The following PRRG2 variants were observed in gnomAD, a reference collection of about 807,000 sequenced individuals.
The protein encoded by PRRG2 is proline rich and Gla domain 2.
PRRG2 carries 23 observed loss-of-function variants against 27.1 expected under a neutral mutation model. The ratio of observed to expected loss-of-function variants is 0.85; its 90% CI spans 0.61 to 1.20. The LOEUF (loss-of-function observed/expected upper bound fraction) is 1.20. PRRG2 is among the 50% of genes most tolerant of loss of function. The pLI is 0.00. For synonymous variants in PRRG2, 104 were observed against 103.4 expected, an observed-to-expected ratio of 1.01 and a Z score of -0.03; for missense variants, 276 against 254.8, an observed-to-expected ratio of 1.08 and a Z score of -0.57.
chr19:49,590,594 C>A lies in PRRG2; in HGVS notation c.*205C>A, dbSNP rs1425326951. The stretch of plus-strand genomic sequence containing the variant: ...TGTTTTCGGCAACGTGTTCCCGTGT[C>A]CTGGCCCCTCACGGGCCCCCACACT... On this transcript the variant is annotated 3_prime_UTR_variant, in exon 7 of 7. Transcript: ENST00000246794. The A allele has an allele frequency of 8.8e-6, 6 of 682,668 alleles. No individual in the cohort carries two copies. Among genetic ancestry groups the A allele is most frequent in the Non-Finnish European group, 1.5e-5 (6 of 408,196 alleles). The allele number at this position is 682,668 out of a possible 1,614,324, so 42.3% of individuals were successfully genotyped here.
intron 5 of PRRG2, 139 bp from the exon 6 acceptor site, chr19:49,589,761 C>T: frequency 1.1e-6 from 1 of 938,350 alleles, no homozygotes; most frequent in South Asian, 1.5e-5. Context: ...GAAGGTGACC[C>T]TCCTTTTCTG....
Position 49,589,926 on chromosome 19 carries a change from CT to C in PRRG2, c.467del (p.Leu156Ter). On this transcript the variant is annotated frameshift_variant, in exon 6 of 7. Transcript: ENST00000246794. LOFTEE classifies it high-confidence loss of function. ...QEAGLISPLSPLNPLGPPTPL... is the reference protein window; with the variant it reads ...QEAGLISPLSXLNPLGPPTPL... Reference sequence around the variant, plus strand: ...GCCGGGCTCATTAGCCCTCTGAGTCCTTTGAACCCTCTGGGCCCACCGACGC... The same window carrying C: ...GCCGGGCTCATTAGCCCTCTGAGTCCTTGAACCCTCTGGGCCCACCGACGC... The C allele has an allele frequency of 6.2e-7, 1 of 1,612,234 alleles. No individual in the cohort carries two copies.
At chr19:49,584,406 G>A (rs2080653161) in intron 4 of PRRG2, among the ~76,000 whole-genome samples, 3 of 151,244 alleles carry the variant, frequency 2.0e-5, no homozygotes, top group South Asian at 2.1e-4. Flanking sequence ...TCCTGGCATC[G>A]TGATCTGCCC....
At chr19:49,582,419 C>G (rs548024117) in intron 1 of PRRG2, among the ~76,000 whole-genome samples, 1 of 151,662 alleles carries the variant, frequency 6.6e-6, no homozygotes, top group Non-Finnish European at 1.5e-5. Flanking sequence ...GGATTACAGG[C>G]GCCCACAACC....
At chr19:49,589,618 G>T (rs1052152252) in intron 5 of PRRG2, among the ~76,000 whole-genome samples, 2 of 151,476 alleles carry the variant, frequency 1.3e-5, no homozygotes, top group African/African-American at 4.9e-5. Context: ...TTTCTCTATT[G>T]CTCTGCCTGT....
intron 2 of PRRG2, 86 bp from the exon 3 acceptor site, chr19:49,583,456 C>T (rs1367791995): frequency 6.5e-7 from 1 of 1,544,148 alleles, no homozygotes; most frequent in Non-Finnish European, 8.8e-7. Flanking sequence ...CTGCTCCTTC[C>T]TCCAGGACCC....
chr19:49,588,552 G>T lies in PRRG2; in HGVS notation c.357G>T (p.Leu119=). 2 of 1,573,770 alleles carry T rather than the reference G, an allele frequency of 1.3e-6. No homozygotes were observed. The highest frequency in any genetic ancestry group is 8.6e-7 in the Non-Finnish European group (1 of 1,159,808). ...SLAVGLTGGI[L]LIVLAGLGAF... ...CTGTGGGGCTGACAGGTGGCATCCT[G>T]CTCATTGTCCTGGCCGGCCTGGGAG... Residue 119 remains leucine, a synonymous_variant, in exon 5 of 7, where the codon CTG becomes CTT. Coordinates refer to ENST00000246794, the MANE Select transcript of PRRG2 (RefSeq NM_000951.3).
In PRRG2 at chr19:49,589,906, G is replaced by A. The variant is rs1401890952; in HGVS notation, c.444G>A (p.Gly148=). ...RGQQPCPQEA[G]LISPLSPLNP... Reference sequence around the variant, plus strand: ...GTACCTTTGCTGTCCCCAGGGCCGGGCTCATTAGCCCTCTGAGTCCTTTGA... The same window carrying A: ...GTACCTTTGCTGTCCCCAGGGCCGGACTCATTAGCCCTCTGAGTCCTTTGA... The change falls in exon 6 of 7, where the codon GGG becomes GGA. Residue 148 remains glycine, a synonymous_variant. Transcript: ENST00000246794. The A allele has an allele frequency of 1.2e-6, 2 of 1,613,070 alleles. No homozygotes were observed. Among genetic ancestry groups the A allele is most frequent in the Admixed American group, 1.7e-5 (1 of 59,994 alleles).
rs756978512 is a variant in PRRG2 at position 49,583,973 on chromosome 19, A to G, written c.301+21A>G. On this transcript the variant is annotated intron_variant, in intron 4 of 6. Transcript: ENST00000246794. ...AGGAGGTGAGTGAGGGGCTGAAGCC[A>G]TCTTGTTCTGTGCAGCTAAGGTAGT... 3 of 1,609,768 alleles carry G rather than the reference A, an allele frequency of 1.9e-6. 1 individual carries two copies. In the South Asian group the frequency reaches 3.3e-5, roughly 18 times the overall value.
intron 3 of PRRG2, 42 bp downstream of exon 3, chr19:49,583,759 C>A (rs965935467): frequency 4.3e-6 from 7 of 1,612,260 alleles, no homozygotes; most frequent in Admixed American, 3.3e-5. Context: ...CCTCTCTCTT[C>A]TCTATACCTG....
rs370227612 is a variant in PRRG2, at chr19:49,590,362, C to T, written c.591-9C>T. The T allele has an allele frequency of 6.7e-5, 108 of 1,614,040 alleles. No individual in the cohort carries two copies. Among genetic ancestry groups the T allele is most frequent in the Non-Finnish European group, 6.9e-5 (81 of 1,180,010 alleles). On this transcript the variant is annotated splice_polypyrimidine_tract_variant and intron_variant, in intron 6 of 6. Coordinates refer to ENST00000246794, the MANE Select transcript of PRRG2 (RefSeq NM_000951.3). ...TCTTTGACTCCCTAGTGTGCCTTTC[C>T]TCTTGCAGCCTCAGGAGGCCTCACT...
At chr19:49,586,072 CAAAAA>C (rs1171500009) in intron 4 of PRRG2, among the ~76,000 whole-genome samples, 4 of 56,940 alleles carry the variant, frequency 7.0e-5, no homozygotes, top group Middle Eastern at 0.013. Context: ...AGAGTGTCTC[CAAAAA>C]AAAAAAAAAA....
Position 49,589,414 on chromosome 19 carries a change from C to A in PRRG2, c.438-486C>A, listed in dbSNP as rs188454477. On this transcript the variant is annotated intron_variant, in intron 5 of 6. Coordinates refer to ENST00000246794, the MANE Select transcript of PRRG2 (RefSeq NM_000951.3). ...GTGCTGGGATTACAGGTGTGAGCCA[C>A]CACGCCTGGCCCTTTTTTTTTTTTT... is the stretch of plus-strand genomic sequence containing the variant. Among the ~76,000 whole-genome samples, 287 of 149,190 alleles carry A rather than the reference C, an allele frequency of 1.9e-3. 1 individual carries two copies. The highest frequency in any genetic ancestry group is 4.8e-3 in the African/African-American group (191 of 39,890).
intron 5 of PRRG2, among the ~76,000 whole-genome samples, chr19:49,589,215 C>A (rs1209739112): frequency 6.7e-6 from 1 of 149,818 alleles, no homozygotes; most frequent in African/African-American, 2.5e-5. Context: ...GCAACCTCTG[C>A]CTCCCGGGTT....
intron 4 of PRRG2, among the ~76,000 whole-genome samples, chr19:49,587,034 G>T (rs2080675641): frequency 6.6e-6 from 1 of 151,982 alleles, no homozygotes; most frequent in Non-Finnish European, 1.5e-5. Flanking sequence ...GCACACACCT[G>T]TGGTCCCAGC....
intron 5 of PRRG2, 117 bp downstream of exon 5, chr19:49,588,749 G>T (rs918815670): frequency 7.9e-7 from 1 of 1,264,752 alleles, no homozygotes; most frequent in Middle Eastern, 2.8e-4. Flanking sequence ...AAGACCTAAG[G>T]ACACAGTCAT....
At chr19:49,590,173 G>A (rs2080706971) in intron 6 of PRRG2, 121 bp downstream of exon 6, 1 of 1,391,732 alleles carries the variant, frequency 7.2e-7, no homozygotes, top group Non-Finnish European at 9.6e-7. Flanking sequence ...GGGGCTTGGA[G>A]TGCGGGGGCG....
chr19:49,590,195 A>G (rs905163732), intron 6 of PRRG2, 143 bp downstream of exon 6: 3 of 1,388,674 alleles, frequency 2.2e-6, no homozygotes, highest in African/African-American at 1.5e-5. Context: ...GGCCCCATGC[A>G]ATGGTCTAGG....
intron 4 of PRRG2, among the ~76,000 whole-genome samples, chr19:49,585,503 G>C (rs981609273): frequency 7.9e-5 from 12 of 152,124 alleles, no homozygotes; most frequent in South Asian, 2.1e-4. Flanking sequence ...TCAAAAGTCT[G>C]GGGGTTTACT....
Sources: allele counts gnomAD v4.1 joint callset (sites outside exome capture counted in the v4.1 genomes callset), GRCh38; gene constraint gnomAD v4.1.1; transcripts MANE v1.5; gene names NCBI Gene and HGNC (gene_info 2026-07-23, HGNC 2026-07-21).